MMP16: variants seen among roughly 807,000 people sequenced by gnomAD.
MMP16 encodes matrix metallopeptidase 16.
MMP16 carries 12 observed loss-of-function variants against 67.8 expected under a neutral mutation model. The observed-to-expected ratio is 0.18, with a 90% confidence interval of 0.11 to 0.29. The LOEUF (loss-of-function observed/expected upper bound fraction) is 0.29. Among genes scored for constraint, MMP16 ranks in the 10% least tolerant of loss-of-function variants. MMP16 has a pLI of 1.00. For synonymous variants in MMP16, 249 were observed against 255.9 expected (o/e 0.97, Z 0.26); for missense variants, 475 against 765.7 (o/e 0.62, Z 4.48).
At chr8:88,184,579 A>C (rs1809037534) in intron 3 of MMP16, among the ~76,000 whole-genome samples, 1 of 141,198 alleles carries the variant, frequency 7.1e-6, no homozygotes, top group Non-Finnish European at 1.5e-5. Context: ...AAAAAAAAAA[A>C]AAAAAAAAAA....
chr8:88,101,557 T>A (rs761290034), intron 6 of MMP16, among the ~76,000 whole-genome samples: 10 of 151,898 alleles, frequency 6.6e-5, no homozygotes, highest in Non-Finnish European at 8.8e-5. Flanking sequence ...CTTTGCCTAA[T>A]GACCTGACCA....
rs2118184332 is a variant in MMP16 at position 88,041,022 on chromosome 8, A to G, written c.*439T>C. 6.5e-6 allele frequency: 1 copy of G among 153,274 alleles called. No homozygotes were observed. 9.5% of individuals were successfully genotyped at this position (153,274 alleles called of 1,614,324 possible). A position where few individuals can be genotyped will look rare whatever the true frequency, so the allele number is the denominator to read the frequency against. On this transcript the variant is annotated 3_prime_UTR_variant, in exon 10 of 10. Transcript: ENST00000286614. The surrounding 1 kb of genome is among the most constrained non-coding windows in gnomAD (Gnocchi z 6.0). ...CCCTTTGTTTTAAAGCAAAAAAAGA[A>G]AAAAAGAAAAAAAGAAAAAAAGAAA...
chr8:88,176,061 C>A (rs1288197751), intron 3 of MMP16, among the ~76,000 whole-genome samples: 1 of 152,090 alleles, frequency 6.6e-6, no homozygotes, highest in Non-Finnish European at 1.5e-5. Flanking sequence ...TGAAAATGGA[C>A]TAACACAGGT....
intron 3 of MMP16, among the ~76,000 whole-genome samples, chr8:88,184,013 T>A (rs776695044): frequency 6.6e-6 from 1 of 152,176 alleles, no homozygotes; most frequent in Non-Finnish European, 1.5e-5. Context: ...CCCAGAGAGC[T>A]GGGATTACAG....
At chr8:88,285,352 C>T (rs1184418379) in intron 1 of MMP16, among the ~76,000 whole-genome samples, 1 of 152,082 alleles carries the variant, frequency 6.6e-6, no homozygotes, top group Non-Finnish European at 1.5e-5. Context: ...GTTGGCCAGG[C>T]TGGTCTCGAA....
At chr8:88,107,938 A>C (rs1809270385) in intron 6 of MMP16, among the ~76,000 whole-genome samples, 1 of 151,218 alleles carries the variant, frequency 6.6e-6, no homozygotes, top group Non-Finnish European at 1.5e-5. Context: ...ATGATGTCAA[A>C]TATAAATATA....
chr8:88,240,935 T>C (rs530708415), intron 1 of MMP16, among the ~76,000 whole-genome samples: 5 of 152,330 alleles, frequency 3.3e-5, no homozygotes, highest in African/African-American at 1.2e-4. Flanking sequence ...TTTTTCTACT[T>C]CATTAATTTA....
rs550096003 is a variant in MMP16, at chr8:88,166,817, C to T, written c.709+852G>A. 1.5e-3 allele frequency among the ~76,000 whole-genome samples: 223 copies of T among 149,514 alleles called. 2 individuals are homozygous for T. Among genetic ancestry groups the T allele is most frequent in the Non-Finnish European group, 1.9e-3 (126 of 67,486 alleles). On this transcript the variant is annotated intron_variant, in intron 4 of 9. Coordinates refer to ENST00000286614, the MANE Select transcript of MMP16 (RefSeq NM_005941.5). The stretch of plus-strand genomic sequence containing the variant: ...TTGAACTCCTGAGCTCAAGGGATCC[C>T]GTCTTGGCCTCTCACAGTGTTGGGA...
intron 1 of MMP16, among the ~76,000 whole-genome samples, chr8:88,305,319 G>A (rs2130053008): frequency 6.6e-6 from 1 of 152,296 alleles, no homozygotes; most frequent in South Asian, 2.1e-4. Context: ...CCTACAAAGA[G>A]ACTTAGATGC....
At chr8:88,114,239 A>G (rs1335217258) in intron 6 of MMP16, among the ~76,000 whole-genome samples, 4 of 151,762 alleles carry the variant, frequency 2.6e-5, no homozygotes, top group Non-Finnish European at 5.9e-5. Flanking sequence ...TGTCTGAATT[A>G]TAAGATTATC....
chr8:88,249,005 A>C (rs1433611371), intron 1 of MMP16, among the ~76,000 whole-genome samples: 1 of 152,056 alleles, frequency 6.6e-6, no homozygotes, highest in Non-Finnish European at 1.5e-5. Context: ...AAAAAAGGCC[A>C]ATCACCAACG....
chr8:88,161,924 T>G lies in MMP16; in HGVS notation c.709+5745A>C, dbSNP rs372137865. On this transcript the variant is annotated intron_variant, in intron 4 of 9. Coordinates refer to ENST00000286614, the MANE Select transcript of MMP16 (RefSeq NM_005941.5). ...ATTGCGCTGTGGTCTGAGAGACAGT[T>G]TGTTATAATTTCTGTTCTTTTACAT... Among the ~76,000 whole-genome samples, 82 of 152,234 alleles carry G rather than the reference T, an allele frequency of 5.4e-4. 1 individual carries two copies. In the East Asian group the frequency reaches 0.012, roughly 22 times the overall value.
intron 1 of MMP16, among the ~76,000 whole-genome samples, chr8:88,306,699 T>C (rs867370276): frequency 1.3e-5 from 2 of 152,162 alleles, no homozygotes; most frequent in Non-Finnish European, 2.9e-5. Flanking sequence ...TCTCAATACA[T>C]GCAGAAAAGA....
intron 6 of MMP16, among the ~76,000 whole-genome samples, chr8:88,083,321 G>A (rs1808783685): frequency 6.6e-6 from 1 of 151,970 alleles, no homozygotes; most frequent in Non-Finnish European, 1.5e-5. Flanking sequence ...ATTACATAGA[G>A]CACCTATTAG....
intron 1 of MMP16, among the ~76,000 whole-genome samples, chr8:88,210,360 G>C (rs931480567): frequency 2.0e-5 from 3 of 152,086 alleles, no homozygotes; most frequent in Non-Finnish European, 4.4e-5. Flanking sequence ...AACACAGTAG[G>C]GTCAACACAA....
chr8:88,167,324 C>A (rs1453354913), intron 4 of MMP16, among the ~76,000 whole-genome samples: 2 of 151,096 alleles, frequency 1.3e-5, no homozygotes, highest in East Asian at 3.9e-4. Context: ...GGATAAGATG[C>A]AAAAAAAACA....
intron 4 of MMP16, among the ~76,000 whole-genome samples, chr8:88,124,103 C>T (rs1450691933): frequency 6.6e-6 from 1 of 151,978 alleles, no homozygotes; most frequent in Admixed American, 6.6e-5. Flanking sequence ...GTAGCATTTA[C>T]GTGTGTCAGA....
intron 1 of MMP16, among the ~76,000 whole-genome samples, chr8:88,207,010 G>T (rs1313159599): frequency 6.6e-6 from 1 of 152,014 alleles, no homozygotes; most frequent in Non-Finnish European, 1.5e-5. Context: ...TTTGGGGAAA[G>T]CTTCAACAAT....
At chr8:88,099,578 G>A (rs539024121) in intron 6 of MMP16, among the ~76,000 whole-genome samples, 1 of 151,718 alleles carries the variant, frequency 6.6e-6, no homozygotes, top group African/African-American at 2.4e-5. Flanking sequence ...TATTTGACTA[G>A]AAATTTATAG....
Sources: allele counts gnomAD v4.1 joint callset (sites outside exome capture counted in the v4.1 genomes callset), GRCh38; gene constraint gnomAD v4.1.1; non-coding constraint Gnocchi (gnomAD v3.1); transcripts MANE v1.5; gene names NCBI Gene and HGNC (gene_info 2026-07-23, HGNC 2026-07-21).